DOCK10: variants seen among roughly 807,000 people sequenced by gnomAD.
DOCK10 encodes the protein dedicator of cytokinesis protein 10.
DOCK10 carries 145 observed loss-of-function variants against 280.1 expected under a neutral mutation model. That is an observed-to-expected ratio of 0.52 (90% CI 0.45 to 0.59). DOCK10 has a LOEUF of 0.59. Among genes scored for constraint, DOCK10 ranks in the 20% least tolerant of loss-of-function variants. The pLI, the probability that DOCK10 is intolerant of heterozygous loss-of-function variation, is 0.00. For missense variants in DOCK10, 2,368 were observed against 2,651.7 expected (o/e 0.89, Z 2.35); for synonymous variants, 915 against 942.2 (o/e 0.97, Z 0.53).
At chr2:224,865,143 A>G in intron 11 of DOCK10, 56 bp from the exon 12 acceptor site, 2 of 1,519,418 alleles carry the variant, frequency 1.3e-6, no homozygotes, top group Non-Finnish European at 1.8e-6. Context: ...TCCATGAGAC[A>G]GCCTCGTTAG....
At chr2:224,890,543 G>A (rs1699597590) in intron 4 of DOCK10, among the ~76,000 whole-genome samples, 1 of 152,212 alleles carries the variant, frequency 6.6e-6, no homozygotes, top group South Asian at 2.1e-4. Flanking sequence ...TGCCGCAGAA[G>A]TGTCTGTCAC....
chr2:224,781,497 A>T (rs2125042136), intron 50 of DOCK10, among the ~76,000 whole-genome samples: 1 of 152,328 alleles, frequency 6.6e-6, no homozygotes, highest in African/African-American at 2.4e-5. Flanking sequence ...AAGCCCACTG[A>T]GCTACAGACA....
intron 31 of DOCK10, among the ~76,000 whole-genome samples, chr2:224,813,371 T>A (rs1693912322): frequency 6.6e-6 from 1 of 152,112 alleles, no homozygotes; most frequent in South Asian, 2.1e-4. Context: ...GATTTTTCTA[T>A]TTTTAGTAGA....
At position 224,805,393 on chromosome 2, in the gene DOCK10, A is replaced by AGAGG. The variant is rs748004478; in HGVS notation, c.3936+11_3936+14dup. The AGAGG allele has an allele frequency of 1.9e-6, 3 of 1,612,774 alleles. No individual in the cohort carries two copies. Among genetic ancestry groups the AGAGG allele is most frequent in the Non-Finnish European group, 2.5e-6 (3 of 1,179,170 alleles). On this transcript the variant is annotated intron_variant, in intron 35 of 55. Transcript: ENST00000258390. The surrounding 1 kb of genome is among the most constrained non-coding windows in gnomAD (Gnocchi z 4.3). ...TGCCTTGTAATGATCAGTAGGTTTG[A>AGAGG]GAGGGAAGTCATACCTTTTCACAGT... is the stretch of plus-strand genomic sequence containing the variant.
intron 1 of DOCK10, among the ~76,000 whole-genome samples, chr2:224,995,094 G>A (rs1160758312): frequency 2.0e-5 from 3 of 152,190 alleles, no homozygotes; most frequent in Admixed American, 6.5e-5. Context: ...TTTCTCCACA[G>A]GGTTGCTTGG....
At chr2:224,999,627 A>G (rs1021210890) in intron 1 of DOCK10, among the ~76,000 whole-genome samples, 12 of 151,930 alleles carry the variant, frequency 7.9e-5, no homozygotes, top group Non-Finnish European at 1.6e-4. Context: ...AAAGAGTCCT[A>G]TCCTCTGGGA....
chr2:224,830,023 A>G (rs540751258), intron 27 of DOCK10, among the ~76,000 whole-genome samples: 1 of 152,290 alleles, frequency 6.6e-6, no homozygotes, highest in South Asian at 2.1e-4. Flanking sequence ...GGAAGAATAT[A>G]AAGAGTTGCT....
intron 1 of DOCK10, among the ~76,000 whole-genome samples, chr2:225,029,317 G>A (rs750843020): frequency 5.3e-5 from 8 of 152,166 alleles, no homozygotes; most frequent in Non-Finnish European, 1.0e-4. Flanking sequence ...AGTTTCAGGT[G>A]TGTACCACCA....
chr2:224,813,323 G>A (rs191337858), intron 31 of DOCK10, among the ~76,000 whole-genome samples: 2 of 152,300 alleles, frequency 1.3e-5, no homozygotes, highest in East Asian at 3.9e-4. Context: ...AGCCTTCTGA[G>A]AAGCTGAGGT....
chr2:225,018,569 A>G lies in DOCK10; in HGVS notation c.123+23683T>C, dbSNP rs1327251056. 2.4e-3 allele frequency among the ~76,000 whole-genome samples: 17 copies of G among 7,174 alleles called. 1 individual carries two copies. Among genetic ancestry groups the G allele is most frequent in the African/African-American group, 5.6e-3 (14 of 2,504 alleles). 4.7% of individuals were successfully genotyped at this position (7,174 alleles called of 152,430 possible). A position where few individuals can be genotyped will look rare whatever the true frequency, so the allele number is the denominator to read the frequency against. On this transcript the variant is annotated intron_variant, in intron 1 of 55. Transcript: ENST00000258390. ...ATATATATAATATATATGTAATATT[A>G]TATATATATAATATATATGTAATAT... is the stretch of plus-strand genomic sequence containing the variant.
chr2:224,860,597 C>G (rs1173397738), intron 14 of DOCK10: 1 of 151,728 alleles, frequency 6.6e-6, no homozygotes, highest in African/African-American at 2.4e-5. Flanking sequence ...GGGTCTCACT[C>G]TGTTGCCCAG....
At chr2:225,003,536 C>T (rs961995426) in intron 1 of DOCK10, among the ~76,000 whole-genome samples, 1 of 152,136 alleles carries the variant, frequency 6.6e-6, no homozygotes, top group African/African-American at 2.4e-5. Context: ...TGACACTTTC[C>T]TGAGTGTGTT....
At chr2:224,934,399 G>A (rs1296753084) in intron 1 of DOCK10, among the ~76,000 whole-genome samples, 4 of 152,154 alleles carry the variant, frequency 2.6e-5, no homozygotes, top group African/African-American at 9.7e-5. Flanking sequence ...CAGTGAATTT[G>A]TTGATCATTG....
chr2:224,845,758 C>G, intron 19 of DOCK10, 116 bp from the exon 20 acceptor site: 2 of 987,226 alleles, frequency 2.0e-6, no homozygotes, highest in Non-Finnish European at 3.0e-6. Flanking sequence ...GCGTCTTACT[C>G]TGTCACCTAC....
chr2:224,839,084 C>CTTTT (rs67901319), intron 24 of DOCK10, among the ~76,000 whole-genome samples: 1 of 150,460 alleles, frequency 6.6e-6, no homozygotes, highest in Non-Finnish European at 1.5e-5. Context: ...GTTCATAGCA[C>CTTTT]TTCTTTTTTT....
intron 2 of DOCK10, among the ~76,000 whole-genome samples, chr2:224,930,726 C>T (rs1386700843): frequency 6.6e-6 from 1 of 152,164 alleles, no homozygotes; most frequent in Admixed American, 6.5e-5. Context: ...CACAGGGATA[C>T]CCTTCAGCTG....
intron 7 of DOCK10, among the ~76,000 whole-genome samples, chr2:224,879,779 A>G (rs13424581): frequency 1.4e-4 from 21 of 152,042 alleles, no homozygotes; most frequent in Admixed American, 1.3e-3. Context: ...AAAAAATTAA[A>G]AAAGAAAGAA....
At chr2:224,995,594 T>G (rs752553904) in intron 1 of DOCK10, among the ~76,000 whole-genome samples, 2 of 152,228 alleles carry the variant, frequency 1.3e-5, no homozygotes, top group Non-Finnish European at 2.9e-5. Flanking sequence ...CACAGGGACT[T>G]GCTTCCACTC....
intron 30 of DOCK10, among the ~76,000 whole-genome samples, chr2:224,816,110 G>GT (rs1694120039): frequency 6.6e-6 from 1 of 151,718 alleles, no homozygotes; most frequent in African/African-American, 2.4e-5. Flanking sequence ...TGGTAATAAA[G>GT]TATTTCATGC....
Sources: allele counts gnomAD v4.1 joint callset (sites outside exome capture counted in the v4.1 genomes callset), GRCh38; gene constraint gnomAD v4.1.1; non-coding constraint Gnocchi (gnomAD v3.1); transcripts MANE v1.5; gene names NCBI Gene and HGNC (gene_info 2026-07-23, HGNC 2026-07-21).